The following GPR89A variants were observed in gnomAD, a reference collection of about 807,000 sequenced individuals.
The protein encoded by GPR89A is golgi pH regulator A, also known as G protein-coupled receptor 89A.
GPR89A carries 16 observed loss-of-function variants against 52.0 expected under a neutral mutation model. The observed-to-expected ratio is 0.31, with a 90% CI of 0.21 to 0.47. The LOEUF (loss-of-function observed/expected upper bound fraction) is 0.47. Among genes scored for constraint, GPR89A ranks in the 20% least tolerant of loss-of-function variants. The pLI, the probability that GPR89A is intolerant of heterozygous loss-of-function variation, is 1.00. For synonymous variants in GPR89A, 55 were observed against 150.9 expected (o/e 0.36, Z 4.66); for missense variants, 135 against 449.4 (o/e 0.30, Z 6.33).
chr1:145,653,230 T>G (rs1228719608), intron 10 of GPR89A, among the ~76,000 whole-genome samples: 2 of 151,492 alleles, frequency 1.3e-5, no homozygotes, highest in East Asian at 3.9e-4. Context: ...ATTTCATTAT[T>G]TACTGAGGAG....
At chr1:145,627,339 T>C (rs1331270322) in intron 5 of GPR89A, among the ~76,000 whole-genome samples, 1 of 152,178 alleles carries the variant, frequency 6.6e-6, no homozygotes, top group African/African-American at 2.4e-5. Flanking sequence ...TTTTCAAATT[T>C]AATAGCCCAT....
At chr1:145,646,454 A>G (rs1553692569) in intron 9 of GPR89A, 182 bp downstream of exon 9, 3 of 540,984 alleles carry the variant, frequency 5.5e-6, no homozygotes, top group African/African-American at 1.9e-5. Context: ...GTCACTAGCA[A>G]AATCCTTAAT....
chr1:145,613,018 C>T (rs1394672490), intron 1 of GPR89A, among the ~76,000 whole-genome samples: 22 of 151,784 alleles, frequency 1.4e-4, no homozygotes, highest in African/African-American at 4.6e-4. Context: ...ACTCTAGATA[C>T]TATTCCCAGG....
At chr1:145,619,947 A>G (rs587607168) in intron 3 of GPR89A, among the ~76,000 whole-genome samples, 1 of 152,058 alleles carries the variant, frequency 6.6e-6, no homozygotes, top group Non-Finnish European at 1.5e-5. Flanking sequence ...CCCAGGAGGC[A>G]GAGCTTGCAG....
chr1:145,635,145 G>A (rs587677604), intron 7 of GPR89A, among the ~76,000 whole-genome samples: 97 of 152,308 alleles, frequency 6.4e-4, no homozygotes, highest in Admixed American at 7.2e-4. Context: ...AGTGGCTCAC[G>A]CCTGTAATCC....
intron 1 of GPR89A, among the ~76,000 whole-genome samples, chr1:145,614,077 C>G (rs1229976004): frequency 1.3e-5 from 2 of 152,152 alleles, no homozygotes; most frequent in Non-Finnish European, 2.9e-5. Context: ...TCCAGCCTCC[C>G]TACTTGATTC....
At chr1:145,613,747 AC>A (rs1214121505) in intron 1 of GPR89A, among the ~76,000 whole-genome samples, 2 of 149,516 alleles carry the variant, frequency 1.3e-5, no homozygotes, top group Admixed American at 1.3e-4. Context: ...CTGTCCTCCT[AC>A]CCCTACCACC....
chr1:145,640,269 TCAGA>T (rs1650561215), intron 7 of GPR89A, among the ~76,000 whole-genome samples: 1 of 1,134 alleles, frequency 8.8e-4, no homozygotes, highest in African/African-American at 5.8e-3. Flanking sequence ...TATAAAACTT[TCAGA>T]AAAAAAAAAA....
At chr1:145,650,879 G>C (rs587609600) in intron 10 of GPR89A, among the ~76,000 whole-genome samples, 4 of 152,242 alleles carry the variant, frequency 2.6e-5, no homozygotes, top group African/African-American at 7.2e-5. Flanking sequence ...GTTCCTTGTA[G>C]ATTCTGGATA....
chr1:145,655,081 C>G (rs1359861950), intron 10 of GPR89A, among the ~76,000 whole-genome samples: 1 of 148,182 alleles, frequency 6.7e-6, no homozygotes, highest in Non-Finnish European at 1.5e-5. Flanking sequence ...TCTGCTTAGT[C>G]TCTTCAGCTA....
At chr1:145,617,501 A>G (rs1648800391) in intron 2 of GPR89A, among the ~76,000 whole-genome samples, 1 of 151,930 alleles carries the variant, frequency 6.6e-6, no homozygotes. Flanking sequence ...TTAAAGTAAG[A>G]CAGTCATAAG....
intron 1 of GPR89A, among the ~76,000 whole-genome samples, chr1:145,611,087 GCTTT>G (rs1648238062): frequency 6.6e-6 from 1 of 150,960 alleles, no homozygotes; most frequent in African/African-American, 2.4e-5. Flanking sequence ...TTTTGCTTCT[GCTTT>G]CTTTTTGGAT....
At chr1:145,660,072 TG>T (rs1437631219) in intron 10 of GPR89A, among the ~76,000 whole-genome samples, 2 of 152,010 alleles carry the variant, frequency 1.3e-5, no homozygotes, top group African/African-American at 4.8e-5. Context: ...TCTCTCTGTT[TG>T]TCTGTTATTG....
chr1:145,630,074 A>C (rs1649789730), intron 5 of GPR89A, among the ~76,000 whole-genome samples: 1 of 151,658 alleles, frequency 6.6e-6, no homozygotes, highest in Non-Finnish European at 1.5e-5. Flanking sequence ...TTAACTGCTA[A>C]GTTGATTTTC....
intron 1 of GPR89A, chr1:145,611,425 G>T (rs1648269819): frequency 6.6e-6 from 1 of 151,156 alleles, no homozygotes. Flanking sequence ...CTCCCACTTA[G>T]AAGTGAGAAC....
chr1:145,663,833 G>T (rs1265869162), intron 11 of GPR89A, among the ~76,000 whole-genome samples: 1 of 151,886 alleles, frequency 6.6e-6, no homozygotes, highest in East Asian at 1.9e-4. Flanking sequence ...TGGAAAATTA[G>T]CTACTAATTA....
intron 8 of GPR89A, 103 bp from the exon 9 acceptor site, chr1:145,646,081 A>G: frequency 8.9e-6 from 14 of 1,566,870 alleles, no homozygotes; most frequent in Non-Finnish European, 1.2e-5. Context: ...GAATATAGGC[A>G]ACTCCGGGAA....
intron 9 of GPR89A, chr1:145,646,642 C>A: frequency 3.9e-6 from 1 of 257,352 alleles, no homozygotes; most frequent in South Asian, 6.8e-5. Context: ...GATGGCCTAG[C>A]CCTATTTTAA....
intron 10 of GPR89A, among the ~76,000 whole-genome samples, chr1:145,656,548 G>A (rs1287856271): frequency 1.4e-4 from 21 of 152,112 alleles, no homozygotes; most frequent in African/African-American, 5.1e-4. Flanking sequence ...ACATTCACTC[G>A]CTGTTTTCAT....
Sources: gnomAD v4.1 joint callset for allele counts (sites outside exome capture counted in the v4.1 genomes callset) on GRCh38, gnomAD v4.1.1 for gene constraint, MANE v1.5 for transcripts, NCBI Gene and HGNC (gene_info 2026-07-23, HGNC 2026-07-21) for gene names.